PPP2R2B: variants seen among roughly 807,000 people sequenced by gnomAD.
PPP2R2B encodes the protein protein phosphatase 2 regulatory subunit Bbeta, also known as serine/threonine-protein phosphatase 2A 55 kDa regulatory subunit B beta isoform.
In PPP2R2B, 5 loss-of-function variants were observed where a neutral mutation model predicts 46.0. The observed-to-expected ratio is 0.11, with a 90% CI of 0.06 to 0.23. PPP2R2B has a LOEUF of 0.23. Ranked by LOEUF, PPP2R2B falls within the 10% of genes least tolerant of loss-of-function variation. The pLI is 1.00. For synonymous variants in PPP2R2B, 215 were observed against 206.7 expected, an observed-to-expected ratio of 1.04 and a Z score of -0.34; for missense variants, 367 against 575.0, an observed-to-expected ratio of 0.64 and a Z score of 3.70.
chr5:147,045,019 G>A (rs553425178), intron 1 of PPP2R2B, among the ~76,000 whole-genome samples: 1 of 152,124 alleles, frequency 6.6e-6, no homozygotes, highest in Non-Finnish European at 1.5e-5. Flanking sequence ...TGCTTATTGA[G>A]AATAAAAAAT....
chr5:146,906,573 C>T (rs1344012906), intron 1 of PPP2R2B, among the ~76,000 whole-genome samples: 1 of 152,172 alleles, frequency 6.6e-6, no homozygotes, highest in Non-Finnish European at 1.5e-5. Flanking sequence ...CCGCCTGCCT[C>T]GGCCTCCCAA....
rs116585821 is a variant in PPP2R2B, at chr5:146,966,495, C to T, written c.79+89170G>A. On this transcript the variant is annotated intron_variant, in intron 1 of 8. Transcript: ENST00000336640. ...CGGCTATGTGAGCAGAGCCAAAGAT[C>T]GGCCTCCTCTGACATGACCTAAGGC... Among the ~76,000 whole-genome samples, 1,128 of 152,296 alleles carry T rather than the reference C, an allele frequency of 7.4e-3. 12 individuals carry two copies. The highest frequency in any genetic ancestry group is 0.026 in the African/African-American group (1,077 of 41,552).
chr5:146,602,016 A>T (rs184804214), intron 7 of PPP2R2B, among the ~76,000 whole-genome samples: 1 of 152,314 alleles, frequency 6.6e-6, no homozygotes, highest in East Asian at 1.9e-4. Context: ...GTATATCTCG[A>T]TATTTCCCAC....
At chr5:146,886,827 T>TAA (rs530784298) in intron 1 of PPP2R2B, among the ~76,000 whole-genome samples, 5 of 143,756 alleles carry the variant, frequency 3.5e-5, no homozygotes, top group African/African-American at 1.3e-4. Flanking sequence ...ACTTTTTTAG[T>TAA]AAAAAAAAAA....
At chr5:146,681,913 T>A (rs1441294588) in intron 5 of PPP2R2B, among the ~76,000 whole-genome samples, 1 of 150,274 alleles carries the variant, frequency 6.7e-6, no homozygotes, top group Admixed American at 6.6e-5. Context: ...CAGATTTTCT[T>A]CTGTAATGTG....
At chr5:146,793,175 A>G (rs1162666425) in intron 2 of PPP2R2B, among the ~76,000 whole-genome samples, 1 of 152,214 alleles carries the variant, frequency 6.6e-6, no homozygotes, top group Non-Finnish European at 1.5e-5. Context: ...AATGACTGCA[A>G]GGTTTTTGGC....
chr5:146,725,527 G>A (rs184439211), intron 2 of PPP2R2B, among the ~76,000 whole-genome samples: 2 of 152,254 alleles, frequency 1.3e-5, no homozygotes, highest in East Asian at 1.9e-4. Flanking sequence ...TCTTCTATAA[G>A]TTGAAGGTGT....
At chr5:146,712,311 T>G (rs920555369) in intron 2 of PPP2R2B, among the ~76,000 whole-genome samples, 15 of 152,320 alleles carry the variant, frequency 9.8e-5, no homozygotes, top group African/African-American at 3.6e-4. Context: ...TTATAAAGTA[T>G]GCTCTCTTTT....
At chr5:146,603,966 T>G (rs1772026200) in intron 7 of PPP2R2B, among the ~76,000 whole-genome samples, 1 of 152,194 alleles carries the variant, frequency 6.6e-6, no homozygotes, top group African/African-American at 2.4e-5. Context: ...TTAAGTGTCT[T>G]GTATGCACAG....
chr5:146,984,131 C>T (rs1184919628), intron 1 of PPP2R2B, among the ~76,000 whole-genome samples: 1 of 152,126 alleles, frequency 6.6e-6, no homozygotes, highest in East Asian at 1.9e-4. Context: ...TTGAAATTTA[C>T]AATACATTAT....
chr5:147,007,501 G>A (rs1754500829), intron 1 of PPP2R2B, among the ~76,000 whole-genome samples: 2 of 152,148 alleles, frequency 1.3e-5, no homozygotes, highest in South Asian at 4.1e-4. Flanking sequence ...AGCAGGATGT[G>A]AGTGGGCCAA....
rs151061549 is a variant in PPP2R2B, at chr5:146,895,565, G to A, written c.79+160100C>T. The stretch of plus-strand genomic sequence containing the variant: ...GCAGTTTTTTGTTTGTTTCATCACC[G>A]TGTACATGCATAGTAGGGTTCAGTA... On this transcript the variant is annotated intron_variant, in intron 1 of 8. Coordinates refer to the PPP2R2B transcript ENST00000336640. Among the ~76,000 whole-genome samples, 163 of 152,138 alleles carry A rather than the reference G, an allele frequency of 1.1e-3. 1 individual carries two copies. The highest frequency in any genetic ancestry group is 3.8e-3 in the African/African-American group (156 of 41,512).
intron 1 of PPP2R2B, among the ~76,000 whole-genome samples, chr5:146,913,146 G>A (rs769264341): frequency 9.2e-5 from 14 of 152,162 alleles, no homozygotes; most frequent in Admixed American, 7.2e-4. Context: ...TATATTCGGC[G>A]GAAATAGTCT....
chr5:147,012,213 T>G (rs908801273), intron 1 of PPP2R2B, among the ~76,000 whole-genome samples: 9 of 152,094 alleles, frequency 5.9e-5, no homozygotes, highest in Non-Finnish European at 7.4e-5. Context: ...GGTCCTGGAC[T>G]CTTTTTGGTT....
chr5:146,832,933 C>T (rs548312256), intron 2 of PPP2R2B, among the ~76,000 whole-genome samples: 67 of 152,074 alleles, frequency 4.4e-4, no homozygotes, highest in South Asian at 1.2e-3. Context: ...GCACACTTCT[C>T]AGAACATATC....
intron 7 of PPP2R2B, among the ~76,000 whole-genome samples, chr5:146,619,364 C>G (rs942956161): frequency 6.6e-6 from 1 of 151,674 alleles, no homozygotes; most frequent in African/African-American, 2.4e-5. Context: ...CCTGTAATCC[C>G]AGCTCCTCCA....
chr5:146,730,330 T>C (rs899760956), intron 2 of PPP2R2B, among the ~76,000 whole-genome samples: 2 of 152,194 alleles, frequency 1.3e-5, no homozygotes, highest in Admixed American at 6.5e-5. Context: ...TAAAGGCTCA[T>C]AGGTAGAAGG....
At chr5:146,862,079 C>T (rs1582295959) in intron 2 of PPP2R2B, among the ~76,000 whole-genome samples, 1 of 152,056 alleles carries the variant, frequency 6.6e-6, no homozygotes, top group Admixed American at 6.5e-5. Flanking sequence ...CTTAATTAGC[C>T]AGTACAGTTT....
chr5:146,697,036 C>T lies in PPP2R2B; in HGVS notation c.334+943G>A, dbSNP rs149003803. ...TGTATGTTTGATCACATTATTGACA[C>T]TGTATTTTTTCACTTGAAATATGAA... On this transcript the variant is annotated intron_variant, in intron 4 of 9. Coordinates refer to ENST00000394411, the MANE Select transcript of PPP2R2B (RefSeq NM_181675.4). Among the ~76,000 whole-genome samples, 604 of 152,256 alleles carry T rather than the reference C, an allele frequency of 4.0e-3. 4 individuals carry two copies. Among genetic ancestry groups the T allele is most frequent in the African/African-American group, 0.014 (570 of 41,542 alleles).
Sources: gnomAD v4.1 joint callset for allele counts (sites outside exome capture counted in the v4.1 genomes callset) on GRCh38, gnomAD v4.1.1 for gene constraint, MANE v1.5 for transcripts, NCBI Gene and HGNC (gene_info 2026-07-23, HGNC 2026-07-21) for gene names.